Variants in FHIP1A observed in about 807,000 individuals in gnomAD.
FHIP1A encodes FHF complex subunit HOOK-interacting protein 1A.
In FHIP1A, 61 loss-of-function variants were observed where a neutral mutation model predicts 88.6. The observed-to-expected ratio is 0.69, with a 90% CI of 0.56 to 0.85. The LOEUF (loss-of-function observed/expected upper bound fraction) is 0.85, where lower values mean the gene tolerates loss of function less well. Among genes scored for constraint, FHIP1A ranks in the 40% least tolerant of loss-of-function variants. The probability of loss-of-function intolerance (pLI) is 0.00; values close to 1 mark genes in which losing one functional copy is unlikely to be tolerated. For missense variants in FHIP1A, 1,154 were observed against 1,273.5 expected (o/e 0.91, Z 1.43); for synonymous variants, 478 against 496.0 (o/e 0.96, Z 0.48).
At chr4:151,541,391 G>T (rs1001276474) in intron 3 of FHIP1A, among the ~76,000 whole-genome samples, 1 of 152,176 alleles carries the variant, frequency 6.6e-6, no homozygotes, top group Non-Finnish European at 1.5e-5. Context: ...TTTAGCCACT[G>T]CATATACATT....
At position 151,422,689 on chromosome 4, in the gene FHIP1A, C is replaced by T. The variant is rs114633871; in HGVS notation, c.-356+13224C>T. Among the ~76,000 whole-genome samples, 396 of 152,246 alleles carry T rather than the reference C, an allele frequency of 2.6e-3. 1 individual carries two copies. The highest frequency in any genetic ancestry group is 9.1e-3 in the African/African-American group (379 of 41,542). On this transcript the variant is annotated intron_variant, in intron 1 of 13. Transcript: ENST00000435205. ...TACAGGTGTGAGCCACCGCGCCTGG[C>T]CAGAGACACTTTTCAGTGGAGGTAC...
chr4:151,451,770 T>A (rs1728796729), intron 1 of FHIP1A, among the ~76,000 whole-genome samples: 1 of 152,076 alleles, frequency 6.6e-6, no homozygotes, highest in South Asian at 2.1e-4. Flanking sequence ...AGTGCTTTTT[T>A]TCAGTTGCAT....
chr4:151,446,088 C>T (rs774317980), intron 1 of FHIP1A, among the ~76,000 whole-genome samples: 1 of 151,662 alleles, frequency 6.6e-6, no homozygotes, highest in Non-Finnish European at 1.5e-5. Context: ...AACTGCTTGC[C>T]TGAGTGGTTG....
chr4:151,624,759 C>T (rs777552328), intron 7 of FHIP1A, among the ~76,000 whole-genome samples: 15 of 152,216 alleles, frequency 9.9e-5, no homozygotes, highest in Middle Eastern at 3.4e-3. Context: ...TGGCCTCTGG[C>T]GGTGCTAGCA....
At chr4:151,421,804 C>A (rs1733177600) in intron 1 of FHIP1A, among the ~76,000 whole-genome samples, 1 of 152,046 alleles carries the variant, frequency 6.6e-6, no homozygotes, top group South Asian at 2.1e-4. Context: ...CTTCCTAGGT[C>A]TGTGCCTTTG....
intron 4 of FHIP1A, among the ~76,000 whole-genome samples, chr4:151,571,045 C>T (rs771206483): frequency 1.3e-5 from 2 of 152,070 alleles, no homozygotes; most frequent in Non-Finnish European, 2.9e-5. Context: ...ATTAGCCCAC[C>T]AGGCAATAAA....
intron 7 of FHIP1A, among the ~76,000 whole-genome samples, chr4:151,602,120 G>A (rs1303453779): frequency 6.6e-6 from 1 of 152,132 alleles, no homozygotes; most frequent in Non-Finnish European, 1.5e-5. Flanking sequence ...AATTGTGGGA[G>A]CTACAATTCA....
intron 1 of FHIP1A, among the ~76,000 whole-genome samples, chr4:151,454,399 G>A (rs895391213): frequency 6.6e-6 from 1 of 152,182 alleles, no homozygotes; most frequent in Non-Finnish European, 1.5e-5. Flanking sequence ...CACAGAACAA[G>A]CTATGCCAAA....
At chr4:151,580,993 G>A (rs919633706) in intron 5 of FHIP1A, among the ~76,000 whole-genome samples, 1 of 152,168 alleles carries the variant, frequency 6.6e-6, no homozygotes, top group African/African-American at 2.4e-5. Context: ...AAATAGCTGG[G>A]ACTACAGGCG....
At position 151,566,289 on chromosome 4, in the gene FHIP1A, A is replaced by G. The variant is rs1733383007; in HGVS notation, c.30A>G (p.Lys10=). ...TGTCATCGGTTTCGACAGAAAGCAA[A>G]CTCCAGCAGGCTGTGAGCCTACAGG... MMSSVSTES[K]LQQAVSLQGV... The change falls in exon 4 of 14, where the codon AAA becomes AAG. Residue 10 remains lysine, a synonymous_variant. Transcript: ENST00000435205. 6.4e-7 allele frequency: 1 copy of G among 1,550,496 alleles called. No individual in the cohort carries two copies. Among genetic ancestry groups the G allele is most frequent in the Admixed American group, 2.0e-5 (1 of 50,908 alleles).
chr4:151,469,803 C>A (rs1462830767), intron 2 of FHIP1A, among the ~76,000 whole-genome samples: 6 of 152,172 alleles, frequency 3.9e-5, no homozygotes, highest in East Asian at 1.9e-4. Flanking sequence ...TCCACAGATA[C>A]CTTTCAAAAT....
intron 9 of FHIP1A, among the ~76,000 whole-genome samples, chr4:151,645,409 T>G (rs1162496903): frequency 6.6e-6 from 1 of 152,084 alleles, no homozygotes; most frequent in Non-Finnish European, 1.5e-5. Context: ...GTTGGGAATA[T>G]CAACTTAGGT....
chr4:151,445,886 G>C (rs1273139289), intron 1 of FHIP1A, among the ~76,000 whole-genome samples: 2 of 84,026 alleles, frequency 2.4e-5, no homozygotes, highest in East Asian at 6.1e-4. Context: ...CATATGATAT[G>C]TTATTATATT....
rs539046586 is a variant in FHIP1A at position 151,484,669 on chromosome 4, T to C, written c.-123+2021T>C. ...ACAGTATGATGCAAAATGTGTATGA[T>C]AGTCCTCAGGAGAGGCTGTCAGTAG... On this transcript the variant is annotated intron_variant, in intron 3 of 13. Transcript: ENST00000435205. Among the ~76,000 whole-genome samples the C allele has an allele frequency of 9.2e-5, 14 of 152,368 alleles. No homozygotes were observed. In the South Asian group the frequency reaches 2.7e-3, roughly 29 times the overall value.
At chr4:151,547,457 T>G (rs1386029347) in intron 3 of FHIP1A, among the ~76,000 whole-genome samples, 5 of 152,182 alleles carry the variant, frequency 3.3e-5, no homozygotes, top group African/African-American at 4.8e-5. Context: ...AATATAAATT[T>G]GATAAAAAGC....
At position 151,534,432 on chromosome 4, in the gene FHIP1A, A is replaced by G. The variant is rs557538355; in HGVS notation, c.-122-31706A>G. Among the ~76,000 whole-genome samples the G allele has an allele frequency of 1.4e-4, 21 of 152,326 alleles. No individual in the cohort carries two copies. The South Asian group carries it at 3.3e-3, about 24-fold the overall frequency. On this transcript the variant is annotated intron_variant, in intron 3 of 13. Coordinates refer to ENST00000435205, the MANE Select transcript of FHIP1A (RefSeq NM_001109977.3). ...CTATAAAAAGGCCACCTCTGTCCTT[A>G]GCTTGGGAGTTCTTGTTGGGGAGGC...
chr4:151,539,344 G>A (rs1732185510), intron 3 of FHIP1A, among the ~76,000 whole-genome samples: 1 of 152,140 alleles, frequency 6.6e-6, no homozygotes, highest in South Asian at 2.1e-4. Context: ...CGCTTTGGGA[G>A]GCTGAGGCAG....
At chr4:151,508,828 A>G (rs1318278784) in intron 3 of FHIP1A, among the ~76,000 whole-genome samples, 1 of 152,104 alleles carries the variant, frequency 6.6e-6, no homozygotes, top group African/African-American at 2.4e-5. Context: ...CCATTTCCCT[A>G]CCAGTCAGCA....
chr4:151,445,426 G>A (rs998174415), intron 1 of FHIP1A, among the ~76,000 whole-genome samples: 2 of 152,038 alleles, frequency 1.3e-5, no homozygotes, highest in East Asian at 3.9e-4. Flanking sequence ...ATTGGCCATT[G>A]GTGATTGAAC....
Sources: allele counts gnomAD v4.1 joint callset (sites outside exome capture counted in the v4.1 genomes callset), GRCh38; gene constraint gnomAD v4.1.1; transcripts MANE v1.5; gene names NCBI Gene and HGNC (gene_info 2026-07-23, HGNC 2026-07-21).